The following ZNF783 variants were observed in gnomAD, a reference collection of about 807,000 sequenced individuals.
ZNF783 encodes the protein zinc finger protein 783.
A neutral mutation model predicts 31.3 loss-of-function variants in ZNF783; 25 were observed. The observed-to-expected ratio is 0.80, with a 90% CI of 0.58 to 1.11. ZNF783 has a LOEUF of 1.11. Among genes scored for constraint, ZNF783 ranks in the 50% most tolerant of loss-of-function variants. The pLI, the probability that ZNF783 is intolerant of heterozygous loss-of-function variation, is 0.00. For missense variants in ZNF783, 797 were observed against 760.0 expected (o/e 1.05, Z -0.57); for synonymous variants, 369 against 319.1 (o/e 1.16, Z -1.66).
At chr7:149,262,413 CCCGCGCGAGGGACTCTGGCCGCGCGAGG>C in intron 1 of ZNF783, 56 bp downstream of exon 1, 1 of 1,200,932 alleles carries the variant, frequency 8.3e-7, no homozygotes, top group Non-Finnish European at 1.0e-6. Context: ...GCCGCGTGAG[CCCGCGCGAGGGACTCTGGCCGCGCGAGG>C]CCGCGGGGTG....
intron 4 of ZNF783, among the ~76,000 whole-genome samples, chr7:149,267,814 G>A (rs1333376532): frequency 6.6e-6 from 1 of 152,026 alleles, no homozygotes; most frequent in Non-Finnish European, 1.5e-5. Flanking sequence ...AAATAATGGG[G>A]ACTTAGTAAT....
At chr7:149,277,830 A>G (rs1797370038) in intron 4 of ZNF783, 1 of 152,390 alleles carries the variant, frequency 6.6e-6, no homozygotes, top group Non-Finnish European at 1.5e-5. Context: ...ACCATTTGAA[A>G]GTCTTGCTAA....
At chr7:149,270,445 A>G in intron 4 of ZNF783, among the ~76,000 whole-genome samples, 1 of 152,272 alleles carries the variant, frequency 6.6e-6, no homozygotes, top group East Asian at 1.9e-4. Flanking sequence ...CTGAAAAGGC[A>G]GAATGGATGC....
chr7:149,266,508 T>C lies in ZNF783; in HGVS notation c.198T>C (p.Thr66=). Residue 66 remains threonine, a synonymous_variant, in exon 2 of 6, where the codon ACT becomes ACC. Transcript: ENST00000434415. ...ATTCCTGCCTGACCCGCTTGCTGAC[T>C]CTGGAGGGGCGCACGGGGACAGCCG... The part of the protein sequence containing the change: ...KVDSCLTRLL[T]LEGRTGTAEK... 1 of 1,613,844 alleles carries C rather than the reference T, an allele frequency of 6.2e-7. No homozygotes were observed. Among genetic ancestry groups the C allele is most frequent in the Non-Finnish European group, 8.5e-7 (1 of 1,180,002 alleles).
chr7:149,270,908 A>G (rs773294177), intron 4 of ZNF783, among the ~76,000 whole-genome samples: 1 of 152,216 alleles, frequency 6.6e-6, no homozygotes, highest in Non-Finnish European at 1.5e-5. Flanking sequence ...AAAAGAAATC[A>G]TGAGTTTATA....
chr7:149,280,176 G>A (rs1419936140), intron 5 of ZNF783, among the ~76,000 whole-genome samples: 48 of 151,606 alleles, frequency 3.2e-4, no homozygotes, highest in Non-Finnish European at 6.1e-4. Flanking sequence ...CCCGGACGGG[G>A]CGGCTGGCCG....
At chr7:149,265,996 C>T (rs544135961) in intron 1 of ZNF783, among the ~76,000 whole-genome samples, 2 of 152,172 alleles carry the variant, frequency 1.3e-5, no homozygotes, top group Non-Finnish European at 2.9e-5. Flanking sequence ...GAAACTGAGA[C>T]CCAAGAAGGG....
chr7:149,271,080 A>G (rs1419454064), intron 4 of ZNF783, among the ~76,000 whole-genome samples: 3 of 152,150 alleles, frequency 2.0e-5, no homozygotes, highest in East Asian at 1.9e-4. Context: ...CTGGGACTAC[A>G]GGTGCCCGCC....
At chr7:149,275,342 T>G (rs1463903779) in intron 4 of ZNF783, among the ~76,000 whole-genome samples, 1 of 151,834 alleles carries the variant, frequency 6.6e-6, no homozygotes, top group Non-Finnish European at 1.5e-5. Context: ...AGACGGAGTT[T>G]CGCTCTGTTG....
intron 1 of ZNF783, among the ~76,000 whole-genome samples, chr7:149,263,005 T>C (rs1293754772): frequency 2.6e-5 from 4 of 152,114 alleles, no homozygotes; most frequent in Non-Finnish European, 5.9e-5. Flanking sequence ...CTCGGCTCAC[T>C]GCAAGCTCCG....
chr7:149,275,249 ATGCTGCGACTT>A (rs1797300709), intron 4 of ZNF783, among the ~76,000 whole-genome samples: 1 of 150,816 alleles, frequency 6.6e-6, no homozygotes, highest in South Asian at 2.1e-4. Context: ...TTGATTCCGT[ATGCTGCGACTT>A]TGCTGAATTT....
chr7:149,280,779 C>T (rs1420952265), intron 5 of ZNF783, among the ~76,000 whole-genome samples: 1 of 152,208 alleles, frequency 6.6e-6, no homozygotes, highest in Non-Finnish European at 1.5e-5. Context: ...CCCCTGAGAG[C>T]TGGGTGCTGA....
At chr7:149,281,412 C>T in intron 5 of ZNF783, 93 bp from the exon 6 acceptor site, 1 of 1,187,986 alleles carries the variant, frequency 8.4e-7, no homozygotes, top group South Asian at 2.0e-5. Context: ...GAGATAGGGC[C>T]CGGGCTGAGG....
At chr7:149,269,309 C>A (rs1007605994) in intron 4 of ZNF783, among the ~76,000 whole-genome samples, 9 of 152,162 alleles carry the variant, frequency 5.9e-5, no homozygotes, top group Non-Finnish European at 1.0e-4. Context: ...CTTATAGATG[C>A]TGGATGTTAG....
chr7:149,263,856 G>T (rs1796999806), intron 1 of ZNF783, among the ~76,000 whole-genome samples: 1 of 152,152 alleles, frequency 6.6e-6, no homozygotes, highest in Non-Finnish European at 1.5e-5. Context: ...CTCTTAGTGA[G>T]TGTGCTGAGC....
In ZNF783 at chr7:149,266,719, G is replaced by A. The variant is rs1388359220; in HGVS notation, c.409G>A (p.Glu137Lys). 3 of 1,613,834 alleles carry A rather than the reference G, an allele frequency of 1.9e-6. No individual in the cohort carries two copies. The African/African-American group carries it at 4.0e-5, about 22-fold the overall frequency. ...GCGGCTGCCCCCGGGCAGCAAGGGG[G>A]AGGCCCCCAAGGTAGCACCGGGACA... ...ILRLPPGSKG[E>K]APKVPVTFDD... Residue 137 changes from glutamate to lysine, a missense_variant, in exon 2 of 6, where the codon GAG becomes AAG. By Grantham distance (56) the Glu-to-Lys change is moderately conservative (BLOSUM62 1). Transcript: ENST00000434415.
At chr7:149,265,456 C>T (rs1262228394) in intron 1 of ZNF783, among the ~76,000 whole-genome samples, 4 of 152,198 alleles carry the variant, frequency 2.6e-5, no homozygotes, top group Admixed American at 6.5e-5. Context: ...CCTTGGTTCC[C>T]GGCAGGGCTC....
At chr7:149,265,786 C>T (rs1257351924) in intron 1 of ZNF783, among the ~76,000 whole-genome samples, 1 of 152,166 alleles carries the variant, frequency 6.6e-6, no homozygotes, top group Non-Finnish European at 1.5e-5. Flanking sequence ...ACAGATTTTT[C>T]TTAATTCTCT....
chr7:149,278,645 A>C (rs1369239990), intron 5 of ZNF783, 118 bp downstream of exon 5: 1 of 1,494,678 alleles, frequency 6.7e-7, no homozygotes, highest in African/African-American at 1.4e-5. Context: ...GGGCTGGGAG[A>C]CTGGTTGGGC....
Sources: allele counts gnomAD v4.1 joint callset (sites outside exome capture counted in the v4.1 genomes callset), GRCh38; gene constraint gnomAD v4.1.1; transcripts MANE v1.5; gene names NCBI Gene and HGNC (gene_info 2026-07-23, HGNC 2026-07-21).